C22orf31: variants seen among roughly 807,000 people sequenced by gnomAD.
C22orf31 encodes chromosome 22 open reading frame 31.
Under a neutral mutation model 15.0 loss-of-function variants are expected in C22orf31, and 11 were observed. The observed-to-expected ratio is 0.73, with a 90% CI of 0.46 to 1.21. C22orf31 has a LOEUF of 1.21. Ranked by LOEUF, C22orf31 falls within the 50% of genes most tolerant of loss-of-function variation. C22orf31 has a pLI of 0.00. For missense variants in C22orf31, 340 were observed against 347.2 expected (o/e 0.98, Z 0.17); for synonymous variants, 132 against 133.3 (o/e 0.99, Z 0.07).
At chr22:29,061,428 A>G (rs1447553389) in intron 1 of C22orf31, among the ~76,000 whole-genome samples, 1 of 152,048 alleles carries the variant, frequency 6.6e-6, no homozygotes, top group African/African-American at 2.4e-5. Flanking sequence ...CACCGCACCC[A>G]GCTGATGTTG....
upstream of C22orf31, among the ~76,000 whole-genome samples, chr22:29,066,304 G>A (rs1398048629): frequency 1.3e-5 from 2 of 152,018 alleles, no homozygotes; most frequent in Non-Finnish European, 2.9e-5. Flanking sequence ...ACATATCTGA[G>A]GTTCATGATG....
upstream of C22orf31, among the ~76,000 whole-genome samples, chr22:29,062,415 G>C (rs1166567743): frequency 6.6e-6 from 1 of 152,136 alleles, no homozygotes; most frequent in Non-Finnish European, 1.5e-5. Context: ...ATGGTTTCTG[G>C]AATGTGGGTT....
At chr22:29,062,576 A>G (rs1035214267), upstream of C22orf31, among the ~76,000 whole-genome samples, 1 of 152,058 alleles carries the variant, frequency 6.6e-6, no homozygotes, top group Non-Finnish European at 1.5e-5. Context: ...TGATTCTTTT[A>G]TTTGTAAAAT....
rs746350169 is a variant in C22orf31 at position 29,058,851 on chromosome 22, C to T, written c.764G>A (p.Gly255Asp). The change falls in exon 3 of 3, where the codon GGT becomes GAT. Residue 255 changes from glycine to aspartate, a missense_variant. By Grantham distance (94) the Gly-to-Asp change is moderately conservative. Coordinates refer to ENST00000216071, the MANE Select transcript of C22orf31 (RefSeq NM_015370.2). ...QKLWEALCSQ[G>D]AISEGAQRDR... ...CCTCTGAGCACCTTCAGAGATGGCA[C>T]CCTGACTGCAAAGAGCCTCCCAGAG... 1 of 1,614,206 alleles carries T rather than the reference C, an allele frequency of 6.2e-7. No individual in the cohort carries two copies. The highest frequency in any genetic ancestry group is 8.5e-7 in the Non-Finnish European group (1 of 1,180,044).
rs115848899 is a variant in C22orf31 at position 29,059,641 on chromosome 22, T to C, written c.433-459A>G. ...TCCTCAATTACAGTCCGAGTTGGGA[T>C]TTGAACCCTGATGGCCTGCTGGCCA... On this transcript the variant is annotated intron_variant, in intron 2 of 2. Coordinates refer to ENST00000216071, the MANE Select transcript of C22orf31 (RefSeq NM_015370.2). The C allele has an allele frequency of 2.6e-3, 2,547 of 976,624 alleles. 67 individuals are homozygous for C. In the African/African-American group the frequency reaches 0.042, roughly 16 times the overall value. 60.5% of individuals were successfully genotyped at this position (976,624 alleles called of 1,614,324 possible).
chr22:29,073,263 C>T, the C22orf31 span: 1 of 994,180 alleles, frequency 1.0e-6, no homozygotes, highest in Non-Finnish European at 1.3e-6. This position sits in a 1 kb window ranked among gnomAD's most constrained non-coding sequence, Gnocchi z 4.4. Flanking sequence ...CCGCCCTGAG[C>T]GGAGCCCACT....
rs754832686 is a variant in C22orf31, at chr22:29,060,449, G to A, written c.398C>T (p.Ala133Val). The stretch of plus-strand genomic sequence containing the variant: ...GCCTCCTGCAGGCCTCCTATGCCCT[G>A]CTGGCTGCTTGCTCTTGGAACTGAT... ...NFISSKSKQP[A>V]GHRRPAGGIR... Residue 133 changes from alanine (A) to valine (V), a missense_variant, in exon 2 of 3, where the codon GCA becomes GTA. By Grantham distance (64) the Ala-to-Val change is moderately conservative. Transcript: ENST00000216071. 1.9e-6 allele frequency: 3 copies of A among 1,613,712 alleles called. No homozygotes were observed.
upstream of C22orf31, among the ~76,000 whole-genome samples, chr22:29,065,693 TG>T (rs1420651054): frequency 6.6e-6 from 1 of 152,232 alleles, no homozygotes; most frequent in African/African-American, 2.4e-5. Flanking sequence ...TAGCAGAGAT[TG>T]TCCCATCAAA....
chr22:29,070,534 C>A, the C22orf31 span, among the ~76,000 whole-genome samples: 4 of 152,200 alleles, frequency 2.6e-5, no homozygotes, highest in South Asian at 2.1e-4. Flanking sequence ...GCAGAAAGAA[C>A]CTTGTGAACT....
In C22orf31 at chr22:29,059,096, C is replaced by G. The variant is rs143862587; in HGVS notation, c.519G>C (p.Ala173=). 1 of 1,614,118 alleles carries G rather than the reference C, an allele frequency of 6.2e-7. No individual in the cohort carries two copies. The highest frequency in any genetic ancestry group is 1.1e-5 in the South Asian group (1 of 91,070). The change falls in exon 3 of 3, where the codon GCG becomes GCC. Residue 173 remains alanine, a synonymous_variant. Coordinates refer to ENST00000216071, the MANE Select transcript of C22orf31 (RefSeq NM_015370.2). ...RYAEHVAATQ[A]LPQDSGTAAW... ...CTGCTGTCCCACTGTCCTGGGGTAGCGCTTGGGTGGCAGCCACATGTTCAG... is the reference window on the plus strand; with the variant it reads ...CTGCTGTCCCACTGTCCTGGGGTAGGGCTTGGGTGGCAGCCACATGTTCAG...
chr22:29,065,850 C>G (rs2037425687), upstream of C22orf31, among the ~76,000 whole-genome samples: 1 of 152,230 alleles, frequency 6.6e-6, no homozygotes, highest in South Asian at 2.1e-4. Context: ...GCTGAAAGAC[C>G]TCTTCCTTAG....
At chr22:29,065,203 G>C (rs989925034), upstream of C22orf31, among the ~76,000 whole-genome samples, 1 of 152,062 alleles carries the variant, frequency 6.6e-6, no homozygotes, top group Admixed American at 6.5e-5. Context: ...ACCCTTTCTT[G>C]AGCTCCTGTT....
the C22orf31 span, among the ~76,000 whole-genome samples, chr22:29,071,572 A>G: frequency 1.3e-5 from 2 of 151,388 alleles, no homozygotes; most frequent in Non-Finnish European, 2.9e-5. Flanking sequence ...CGCCGGGCGC[A>G]GGTCTGCACT....
chr22:29,061,731 A>G (rs775699876), intron 1 of C22orf31, 59 bp downstream of exon 1: 64 of 1,279,188 alleles, frequency 5.0e-5, no homozygotes, highest in Non-Finnish European at 6.8e-5. Flanking sequence ...TTAGAATCAC[A>G]TATTTAAAGA....
At chr22:29,059,962 C>A (rs2037366153) in intron 2 of C22orf31, 1 of 984,844 alleles carries the variant, frequency 1.0e-6, no homozygotes, top group African/African-American at 1.7e-5. Context: ...CACCTCCTCC[C>A]CACATTCTGT....
In C22orf31 at chr22:29,060,561, A is replaced by G. The variant is rs1375776618; in HGVS notation, c.286T>C (p.Phe96Leu). 6.2e-7 allele frequency: 1 copy of G among 1,613,976 alleles called. No homozygotes were observed. The highest frequency in any genetic ancestry group is 1.7e-5 in the Admixed American group (1 of 59,992). Reference sequence around the variant, plus strand: ...CTCTTCGAGAGTTTTCCTTCTCCAAACTTGCATGGTGGTGGGCAGCACTTA... The same window carrying G: ...CTCTTCGAGAGTTTTCCTTCTCCAAGCTTGCATGGTGGTGGGCAGCACTTA... ...KNKCCPPPCK[F>L]GEGKLSKRLK... The change falls in exon 2 of 3, where the codon TTT becomes CTT. Residue 96 changes from phenylalanine (F) to leucine (L), a missense_variant. Physicochemically the swap from Phe to Leu is conservative, Grantham distance 22 (BLOSUM62 0). Transcript: ENST00000216071.
Position 29,059,169 on chromosome 22 carries a change from G to T in C22orf31, c.446C>A (p.Ser149Ter). 2 of 1,606,590 alleles carry T rather than the reference G, an allele frequency of 1.2e-6. No individual in the cohort carries two copies. Among genetic ancestry groups the T allele is most frequent in the Non-Finnish European group, 1.7e-6 (2 of 1,176,740 alleles). Residue 149 changes from serine (S) to a stop codon, truncating the protein, a stop_gained, in exon 3 of 3, where the codon TCA (serine) becomes TAA (stop). Coordinates refer to ENST00000216071, the MANE Select transcript of C22orf31 (RefSeq NM_015370.2). LOFTEE classifies it low-confidence loss of function (END_TRUNC). ...GCGGACTGTTAGTTTTTTCTCCTTTGAACTTTCTTTACTCTAGCCAGGAAG... is the reference window on the plus strand; with the variant it reads ...GCGGACTGTTAGTTTTTTCTCCTTTTAACTTTCTTTACTCTAGCCAGGAAG... ...AGGIRESKES[S>*]KEKKLTVRQD...
upstream of C22orf31, among the ~76,000 whole-genome samples, chr22:29,063,872 TG>T (rs1431055867): frequency 6.6e-6 from 1 of 152,184 alleles, no homozygotes; most frequent in African/African-American, 2.4e-5. Flanking sequence ...CCCTTGTTTT[TG>T]TTTTTGTTTT....
At chr22:29,068,081 C>T in the C22orf31 span, among the ~76,000 whole-genome samples, 6 of 98,260 alleles carry the variant, frequency 6.1e-5, no homozygotes, top group South Asian at 6.5e-4. Context: ...TATCAAACCC[C>T]GTCTTTTTTT....
Sources: allele counts gnomAD v4.1 joint callset (sites outside exome capture counted in the v4.1 genomes callset), GRCh38; gene constraint gnomAD v4.1.1; non-coding constraint Gnocchi (gnomAD v3.1); transcripts MANE v1.5; gene names NCBI Gene and HGNC (gene_info 2026-07-23, HGNC 2026-07-21).